The following CCDC40 variants were observed in gnomAD, a reference collection of about 807,000 sequenced individuals.
CCDC40 encodes coiled-coil domain 40 molecular ruler complex subunit, also known as coiled-coil domain-containing protein 40.
Under a neutral mutation model 124.5 loss-of-function variants are expected in CCDC40, and 104 were observed. That is an observed-to-expected ratio of 0.84 (90% CI 0.71 to 0.98). CCDC40 has a LOEUF of 0.98. Ranked by LOEUF, CCDC40 falls within the 50% of genes least tolerant of loss-of-function variation. CCDC40 has a pLI of 0.00. For synonymous variants in CCDC40, 580 were observed against 602.9 expected, an observed-to-expected ratio of 0.96 and a Z score of 0.56; for missense variants, 1,463 against 1,503.9, an observed-to-expected ratio of 0.97 and a Z score of 0.45.
At position 80,036,682 on chromosome 17, in the gene CCDC40, C is replaced by G. The variant is rs750300695; in HGVS notation, c.20C>G (p.Ala7Gly). Residue 7 changes from alanine to glycine, a missense_variant, in exon 1 of 20, where the codon GCG (alanine) becomes GGG (glycine). By Grantham distance (60) the Ala-to-Gly change is moderately conservative. Transcript: ENST00000397545. ...CGGGAAATGGCGGAACCGGGCGGCG[C>G]GGCGGGCCGGTAAGCCGGGCCGAGG... is the stretch of plus-strand genomic sequence containing the variant. MAEPGG[A>G]AGRSHPEDGS... 5 of 1,459,016 alleles carry G rather than the reference C, an allele frequency of 3.4e-6. No individual in the cohort carries two copies. In the South Asian group the frequency reaches 4.0e-5, roughly 12 times the overall value. The allele number at this position is 1,459,016 out of a possible 1,614,324, so 90.4% of individuals were successfully genotyped here. A position where few individuals can be genotyped will look rare whatever the true frequency, so the allele number is the denominator to read the frequency against.
Position 80,058,556 on chromosome 17 carries a change from G to A in CCDC40, c.1222G>A (p.Asp408Asn), listed in dbSNP as rs377484770. The A allele has an allele frequency of 7.6e-5, 122 of 1,613,968 alleles. No homozygotes were observed. The highest frequency in any genetic ancestry group is 1.6e-4 in the East Asian group (7 of 44,888). ...ALHLFYMQNI[D>N]QDMRDDIRVM... ...GCATCTCTTCTACATGCAGAACATCGACCAGGACATGCGTGACGACATCCG... is the reference window on the plus strand; with the variant it reads ...GCATCTCTTCTACATGCAGAACATCAACCAGGACATGCGTGACGACATCCG... The change falls in exon 8 of 20, where the codon GAC (aspartate) becomes AAC (asparagine). Residue 408 changes from aspartate to asparagine, a missense_variant. Physicochemically the swap from Asp to Asn is conservative, Grantham distance 23 (BLOSUM62 1). Transcript: ENST00000397545. The surrounding 1 kb of genome is among the most constrained non-coding windows in gnomAD (Gnocchi z 4.2).
intron 2 of CCDC40, 24 bp from the exon 3 acceptor site, chr17:80,039,788 T>C: frequency 6.2e-7 from 1 of 1,612,628 alleles, no homozygotes; most frequent in Non-Finnish European, 8.5e-7. Context: ...GTTTCCTGAT[T>C]TTTTTCCTGC....
intron 3 of CCDC40, among the ~76,000 whole-genome samples, chr17:80,045,502 G>A (rs1027662635): frequency 3.3e-5 from 5 of 152,104 alleles, no homozygotes; most frequent in Admixed American, 2.0e-4. Context: ...TCAGGAGTTC[G>A]AGACCGGCCT....
chr17:80,099,454 A>G lies in CCDC40; in HGVS notation c.3181-73A>G. 4 of 1,555,226 alleles carry G rather than the reference A, an allele frequency of 2.6e-6. No homozygotes were observed. In the Admixed American group the frequency reaches 6.7e-5, roughly 26 times the overall value. On this transcript the variant is annotated intron_variant, in intron 19 of 19. Coordinates refer to ENST00000397545, the MANE Select transcript of CCDC40 (RefSeq NM_017950.4). ...CCTCTTCGGCATTTCCTGGAATCTG[A>G]GTTTGTGGGGGGCCAGCAGGTGTCT...
chr17:80,084,922 C>T lies in CCDC40; in HGVS notation c.2169C>T (p.Ile723=), dbSNP rs200641382. 13 of 1,614,032 alleles carry T rather than the reference C, an allele frequency of 8.1e-6. No homozygotes were observed. In the East Asian group the frequency reaches 1.6e-4, roughly 19 times the overall value. ...AGATCTCCCGGCGCACGATCCTGAT[C>T]GAGAGGAAGCAAGGGCTCATCAACT... ...QSEISRRTIL[I]ERKQGLINFL... is the part of the protein sequence containing the mutation. The change falls in exon 13 of 20, where the codon ATC becomes ATT. Residue 723 remains isoleucine, a synonymous_variant. Transcript: ENST00000397545.
chr17:80,056,215 T>C (rs2037745594), intron 7 of CCDC40, among the ~76,000 whole-genome samples: 1 of 150,856 alleles, frequency 6.6e-6, no homozygotes, highest in South Asian at 2.1e-4. Flanking sequence ...TGTGTGTATG[T>C]GTATCTCTCT....
At chr17:80,099,250 C>T (rs562921390) in intron 19 of CCDC40, among the ~76,000 whole-genome samples, 4 of 151,824 alleles carry the variant, frequency 2.6e-5, no homozygotes, top group East Asian at 1.9e-4. Context: ...GAGATCGCAC[C>T]GCTGCACTCC....
rs1039945735 is a variant in CCDC40, at chr17:80,081,258, A to G, written c.1563-288A>G. Among the ~76,000 whole-genome samples the G allele has an allele frequency of 4.6e-5, 7 of 152,096 alleles. No individual in the cohort carries two copies. In the South Asian group the frequency reaches 1.0e-3, roughly 23 times the overall value. On this transcript the variant is annotated intron_variant, in intron 10 of 19. Transcript: ENST00000397545. ...AAATTAGCCGGGCATGGTGGCGCAC[A>G]CCTGTAATCCCAGCCACTCAAGAGG...
rs144480885 is a variant in CCDC40, at chr17:80,095,601, G to A, written c.3021+150G>A. ...CACTGCTAACCTGCTGCTGGGTGCT[G>A]GGTCTGGGGTGAGGATGCAGAGAGA... On this transcript the variant is annotated intron_variant, in intron 18 of 19. Transcript: ENST00000397545. The A allele has an allele frequency of 1.7e-3, 1,285 of 736,682 alleles. 12 individuals carry two copies. The African/African-American group carries it at 0.018, about 10-fold the overall frequency. The allele number at this position is 736,682 out of a possible 1,614,324, so 45.6% of individuals were successfully genotyped here. A position where few individuals can be genotyped will look rare whatever the true frequency, so the allele number is the denominator to read the frequency against.
rs2038606491 is a variant in CCDC40 at position 80,087,294 on chromosome 17, G to C, written c.2450-313G>C. 1 of 449,512 alleles carries C rather than the reference G, an allele frequency of 2.2e-6. No individual in the cohort carries two copies. The highest frequency in any genetic ancestry group is 4.1e-6 in the Non-Finnish European group (1 of 241,984). The allele number at this position is 449,512 out of a possible 1,614,324, so 27.8% of individuals were successfully genotyped here. A position where few individuals can be genotyped will look rare whatever the true frequency, so the allele number is the denominator to read the frequency against. On this transcript the variant is annotated intron_variant, in intron 14 of 19. Transcript: ENST00000397545. This position sits in a 1 kb window ranked among gnomAD's most constrained non-coding sequence, Gnocchi z 4.5. Reference sequence around the variant, plus strand: ...GTGCTCCACAGATTTGCAAGTGTCTGGGGGAGGGAGCCTGGCCCTCCCACA... The same window carrying C: ...GTGCTCCACAGATTTGCAAGTGTCTCGGGGAGGGAGCCTGGCCCTCCCACA...
At chr17:80,067,628 C>G in intron 10 of CCDC40, 1 of 1,536,238 alleles carries the variant, frequency 6.5e-7, no homozygotes, top group African/African-American at 1.4e-5. Flanking sequence ...CGAGGGCGTT[C>G]GCGTCCGTCT....
At position 80,047,143 on chromosome 17, in the gene CCDC40, G is replaced by T. The variant is rs77046309; in HGVS notation, c.553-136G>T. 271,646 of 974,316 alleles carry T rather than the reference G, an allele frequency of 0.28. 40,431 individuals carry two copies. The highest frequency in any genetic ancestry group is 0.36 in the Middle Eastern group (1,232 of 3,460). 60.4% of individuals were successfully genotyped at this position (974,316 alleles called of 1,614,324 possible). ...GTTACAGGCATGAGCCACGTGCCCGGCCAGGTTTTTTAAAAAACACACAGG... is the reference window on the plus strand; with the variant it reads ...GTTACAGGCATGAGCCACGTGCCCGTCCAGGTTTTTTAAAAAACACACAGG... On this transcript the variant is annotated intron_variant, in intron 3 of 19. Coordinates refer to ENST00000397545, the MANE Select transcript of CCDC40 (RefSeq NM_017950.4).
chr17:80,044,599 G>A (rs1323430385), intron 3 of CCDC40, among the ~76,000 whole-genome samples: 1 of 151,640 alleles, frequency 6.6e-6, no homozygotes, highest in East Asian at 1.9e-4. Context: ...CACAAGAATC[G>A]CTTGAGCTTG....
At chr17:80,055,887 G>C (rs1338330240) in intron 7 of CCDC40, among the ~76,000 whole-genome samples, 1 of 147,894 alleles carries the variant, frequency 6.8e-6, no homozygotes, top group East Asian at 2.0e-4. Flanking sequence ...TGCAATGGCA[G>C]AGTAGCCTCG....
chr17:80,040,050 A>G lies in CCDC40; in HGVS notation c.332A>G (p.Asp111Gly). 1 of 1,614,138 alleles carries G rather than the reference A, an allele frequency of 6.2e-7. No individual in the cohort carries two copies. The highest frequency in any genetic ancestry group is 1.1e-5 in the South Asian group (1 of 91,090). ...SSPEGQISAA[D>G]TTYPYFSPPQ... ...CCGGAAGGGCAAATCAGTGCTGCAG[A>G]TACGACTTACCCGTATTTCAGTCCT... The change falls in exon 3 of 20, where the codon GAT (aspartate) becomes GGT (glycine). Residue 111 changes from aspartate to glycine, a missense_variant. By Grantham distance (94) the Asp-to-Gly change is moderately conservative. Coordinates refer to ENST00000397545, the MANE Select transcript of CCDC40 (RefSeq NM_017950.4).
intron 19 of CCDC40, among the ~76,000 whole-genome samples, chr17:80,098,218 G>T (rs910669698): frequency 9.9e-5 from 15 of 152,212 alleles, no homozygotes; most frequent in Non-Finnish European, 2.9e-5. Flanking sequence ...GGCTGGGGAG[G>T]TTAGGGTATG....
At chr17:80,055,017 AT>A (rs930976791) in intron 7 of CCDC40, among the ~76,000 whole-genome samples, 8 of 151,888 alleles carry the variant, frequency 5.3e-5, no homozygotes, top group African/African-American at 1.9e-4. Flanking sequence ...AAATACAAGG[AT>A]AAAAAAAAAA....
At position 80,095,462 on chromosome 17, in the gene CCDC40, G is replaced by T. The variant is rs1198788093; in HGVS notation, c.3021+11G>T. 1 of 1,613,632 alleles carries T rather than the reference G, an allele frequency of 6.2e-7. No individual in the cohort carries two copies. The highest frequency in any genetic ancestry group is 1.3e-5 in the African/African-American group (1 of 74,948). The stretch of plus-strand genomic sequence containing the variant: ...AGGGACGTTCGCAAGGTAGGGAGCA[G>T]CGGAAAGGAAACAGGGCGCCTGCTC... On this transcript the variant is annotated intron_variant, in intron 18 of 19. Coordinates refer to ENST00000397545, the MANE Select transcript of CCDC40 (RefSeq NM_017950.4).
Position 80,048,708 on chromosome 17 carries a change from G to A in CCDC40, c.802G>A (p.Asp268Asn). ...MAERVESEGS[D>N]EEAEDEGSQL... ...AGAGAGAGTGGAGTCCGAGGGGAGTGACGAGGAAGCAGAAGACGAAGGGTC... is the reference window on the plus strand; with the variant it reads ...AGAGAGAGTGGAGTCCGAGGGGAGTAACGAGGAAGCAGAAGACGAAGGGTC... The change falls in exon 5 of 20, where the codon GAC (aspartate) becomes AAC (asparagine). Residue 268 changes from aspartate (D) to asparagine (N), a missense_variant. Coordinates refer to ENST00000397545, the MANE Select transcript of CCDC40 (RefSeq NM_017950.4). 1 of 1,614,002 alleles carries A rather than the reference G, an allele frequency of 6.2e-7. No homozygotes were observed. The highest frequency in any genetic ancestry group is 8.5e-7 in the Non-Finnish European group (1 of 1,179,946).
Sources: allele counts gnomAD v4.1 joint callset (sites outside exome capture counted in the v4.1 genomes callset), GRCh38; gene constraint gnomAD v4.1.1; non-coding constraint Gnocchi (gnomAD v3.1); transcripts MANE v1.5; gene names NCBI Gene and HGNC (gene_info 2026-07-23, HGNC 2026-07-21).